The following MYO3B variants were observed in gnomAD, a reference collection of about 807,000 sequenced individuals.
MYO3B encodes myosin-IIIb.
In MYO3B, 156 loss-of-function variants were observed where a neutral mutation model predicts 174.6. The ratio of observed to expected loss-of-function variants is 0.89; its 90% CI spans 0.78 to 1.02. MYO3B has a LOEUF of 1.02. Ranked by LOEUF, MYO3B falls within the 50% of genes least tolerant of loss-of-function variation. MYO3B has a pLI of 0.00. For missense variants in MYO3B, 1,632 were observed against 1,639.4 expected (o/e 1.00, Z 0.08); for synonymous variants, 563 against 569.1 (o/e 0.99, Z 0.15).
chr2:170,569,018 T>C (rs1478899539), intron 32 of MYO3B, among the ~76,000 whole-genome samples: 3 of 152,208 alleles, frequency 2.0e-5, no homozygotes, highest in Non-Finnish European at 4.4e-5. Flanking sequence ...ATGTTGTTGC[T>C]TCTAACCTTG....
intron 29 of MYO3B, among the ~76,000 whole-genome samples, chr2:170,515,762 G>A (rs942084980): frequency 3.9e-5 from 6 of 151,944 alleles, no homozygotes; most frequent in South Asian, 2.1e-4. Context: ...CAGCCCCAGC[G>A]CCACTGCCCA....
chr2:170,203,442 G>T (rs1392471963), intron 3 of MYO3B, among the ~76,000 whole-genome samples: 2 of 131,868 alleles, frequency 1.5e-5, no homozygotes, highest in African/African-American at 2.8e-5. Flanking sequence ...TTTCCCTTCA[G>T]AGATCTCGGT....
chr2:170,193,619 T>C (rs974487484), intron 1 of MYO3B, among the ~76,000 whole-genome samples: 5 of 151,500 alleles, frequency 3.3e-5, no homozygotes, highest in Non-Finnish European at 5.9e-5. Context: ...TGTTTGTATG[T>C]GTGTTCATAT....
intron 1 of MYO3B, among the ~76,000 whole-genome samples, chr2:170,185,845 T>C (rs1211334792): frequency 7.3e-6 from 1 of 136,334 alleles, no homozygotes; most frequent in Non-Finnish European, 1.7e-5. Flanking sequence ...TAGTTTTCGT[T>C]GTAGAGATCT....
At chr2:170,432,867 G>T (rs1302266840) in intron 22 of MYO3B, among the ~76,000 whole-genome samples, 1 of 152,112 alleles carries the variant, frequency 6.6e-6, no homozygotes, top group East Asian at 1.9e-4. Context: ...GAGCCACCAT[G>T]CCCGGCCAAA....
intron 32 of MYO3B, among the ~76,000 whole-genome samples, chr2:170,648,546 G>A (rs900476969): frequency 2.7e-5 from 4 of 150,620 alleles, no homozygotes; most frequent in Non-Finnish European, 2.9e-5. Context: ...CAGGAGCATC[G>A]CTTGAGGCGG....
At chr2:170,643,998 G>A (rs529628083) in intron 32 of MYO3B, 3 of 152,328 alleles carry the variant, frequency 2.0e-5, no homozygotes, top group South Asian at 2.1e-4. Context: ...AGCGTAGGAG[G>A]GGGCATGTGT....
chr2:170,649,916 A>G (rs1575347083), intron 32 of MYO3B: 1 of 148,152 alleles, frequency 6.7e-6, no homozygotes, highest in Non-Finnish European at 1.5e-5. Context: ...AGGGTTGGGT[A>G]CCCACCTGGC....
At chr2:170,370,752 G>A (rs549903805) in intron 9 of MYO3B, among the ~76,000 whole-genome samples, 42 of 151,456 alleles carry the variant, frequency 2.8e-4, no homozygotes, top group Admixed American at 2.0e-3. Flanking sequence ...ACATCTAAAG[G>A]GTATGAGTCA....
In MYO3B at chr2:170,385,630, C is replaced by T. The variant is rs373678880; in HGVS notation, c.1291-559C>T. ...ACGGACAGGTCATGTAAAAGAAAAGCCTCTTAAGCATATGGAAGGAGGCCT... is the reference window on the plus strand; with the variant it reads ...ACGGACAGGTCATGTAAAAGAAAAGTCTCTTAAGCATATGGAAGGAGGCCT... On this transcript the variant is annotated intron_variant, in intron 12 of 34. Coordinates refer to ENST00000408978, the MANE Select transcript of MYO3B (RefSeq NM_138995.5). Among the ~76,000 whole-genome samples, 111 of 152,118 alleles carry T rather than the reference C, an allele frequency of 7.3e-4. No individual in the cohort carries two copies. In the South Asian group the frequency reaches 0.023, roughly 31 times the overall value.
At chr2:170,435,377 G>T (rs1395310342) in intron 22 of MYO3B, among the ~76,000 whole-genome samples, 1 of 152,182 alleles carries the variant, frequency 6.6e-6, no homozygotes, top group East Asian at 1.9e-4. Context: ...TGAACTGTCA[G>T]GTTGATCCTT....
chr2:170,468,482 A>C (rs1559031410), intron 25 of MYO3B, among the ~76,000 whole-genome samples: 1 of 152,200 alleles, frequency 6.6e-6, no homozygotes, highest in Non-Finnish European at 1.5e-5. Flanking sequence ...AGACTTCCCC[A>C]GTTCCCAAAT....
At chr2:170,224,195 A>G (rs1489343553) in intron 6 of MYO3B, among the ~76,000 whole-genome samples, 1 of 152,210 alleles carries the variant, frequency 6.6e-6, no homozygotes, top group African/African-American at 2.4e-5. Flanking sequence ...GGCTTTTAAA[A>G]TATTTTATTT....
At chr2:170,461,466 C>CAAA (rs1178003357) in intron 23 of MYO3B, among the ~76,000 whole-genome samples, 457 of 42,258 alleles carry the variant, frequency 0.011, 6 homozygotes, top group African/African-American at 0.033. Context: ...AACTCAGTCT[C>CAAA]AAAAAAAAAA....
intron 7 of MYO3B, among the ~76,000 whole-genome samples, chr2:170,251,287 T>G (rs2093250407): frequency 6.6e-6 from 1 of 152,164 alleles, no homozygotes; most frequent in South Asian, 2.1e-4. Flanking sequence ...GTGTTGTGAT[T>G]GGCTCAAGGA....
intron 23 of MYO3B, among the ~76,000 whole-genome samples, chr2:170,445,706 C>T (rs1410646723): frequency 6.6e-6 from 1 of 152,000 alleles, no homozygotes; most frequent in Non-Finnish European, 1.5e-5. Context: ...ATGATCATAT[C>T]TCACTGTAAC....
chr2:170,650,700 T>TTTG (rs886458096), intron 32 of MYO3B, among the ~76,000 whole-genome samples: 26 of 115,800 alleles, frequency 2.2e-4, no homozygotes, highest in East Asian at 1.5e-3. Flanking sequence ...TTTTTTTTTT[T>TTTG]TGAGATGGAG....
intron 7 of MYO3B, among the ~76,000 whole-genome samples, chr2:170,247,323 A>C (rs1282158386): frequency 2.0e-5 from 3 of 151,986 alleles, no homozygotes; most frequent in African/African-American, 7.2e-5. Flanking sequence ...TCAGGTGTCC[A>C]TCTGGGCAAG....
intron 7 of MYO3B, among the ~76,000 whole-genome samples, chr2:170,264,020 G>T (rs2093364755): frequency 1.3e-5 from 2 of 152,148 alleles, no homozygotes; most frequent in South Asian, 4.1e-4. Flanking sequence ...TTAGAGAGTG[G>T]TGATGACTTT....
Sources: gnomAD v4.1 joint callset for allele counts (sites outside exome capture counted in the v4.1 genomes callset) on GRCh38, gnomAD v4.1.1 for gene constraint, MANE v1.5 for transcripts, NCBI Gene and HGNC (gene_info 2026-07-23, HGNC 2026-07-21) for gene names.